UNC79: variants seen among roughly 807,000 people sequenced by gnomAD.
UNC79 encodes protein unc-79 homolog.
Under a neutral mutation model 283.1 loss-of-function variants are expected in UNC79, and 37 were observed. That is an observed-to-expected ratio of 0.13 (90% confidence interval 0.10 to 0.17). The LOEUF (loss-of-function observed/expected upper bound fraction) is 0.17. UNC79 is among the 10% of genes least tolerant of loss of function. The pLI is 1.00. For synonymous variants in UNC79, 1,107 were observed against 1,200.2 expected (o/e 0.92, Z 1.61); for missense variants, 2,272 against 3,211.1 (o/e 0.71, Z 7.07).
rs1392358817 is a variant in UNC79, at chr14:93,474,446, T to C, written c.448+53T>C. The C allele has an allele frequency of 6.7e-7, 1 of 1,499,424 alleles. No individual in the cohort carries two copies. Among genetic ancestry groups the C allele is most frequent in the African/African-American group, 1.4e-5 (1 of 72,346 alleles). The allele number at this position is 1,499,424 out of a possible 1,614,324, so 92.9% of individuals were successfully genotyped here. A position where few individuals can be genotyped will look rare whatever the true frequency, so the allele number is the denominator to read the frequency against. On this transcript the variant is annotated intron_variant, in intron 3 of 48. Coordinates refer to ENST00000555664, the Ensembl canonical transcript of UNC79. The surrounding 1 kb of genome is among the most constrained non-coding windows in gnomAD (Gnocchi z 4.1). Reference sequence around the variant, plus strand: ...ATGTACGTGGATGCTTATGAATGTATATGATGCTGAGCAAGGGGCTTGGAG... The same window carrying C: ...ATGTACGTGGATGCTTATGAATGTACATGATGCTGAGCAAGGGGCTTGGAG...
At chr14:93,347,804 G>C (rs2053893335) in intron 1 of UNC79, among the ~76,000 whole-genome samples, 2 of 151,986 alleles carry the variant, frequency 1.3e-5, no homozygotes. Flanking sequence ...CGAAGTTCCA[G>C]AGTGCGAAGG....
intron 37 of UNC79, among the ~76,000 whole-genome samples, 170 bp from the exon 41 acceptor site, chr14:93,655,064 G>A (rs2070774069): frequency 6.6e-6 from 1 of 152,152 alleles, no homozygotes; most frequent in Non-Finnish European, 1.5e-5. Context: ...AAGTTTGTCT[G>A]AACGATTTTC....
rs2062359311 is a variant in UNC79, at chr14:93,558,748, G to A, written c.1756-13146G>A. On this transcript the variant is annotated intron_variant, in intron 14 of 48. Coordinates refer to ENST00000555664, the Ensembl canonical transcript of UNC79. ...GGGTTTTGGTTTCCCTGTCTCTGCAGCTTCCATAAGAGCAGAGCAGCTTTT... is the reference window on the plus strand; with the variant it reads ...GGGTTTTGGTTTCCCTGTCTCTGCAACTTCCATAAGAGCAGAGCAGCTTTT... 2.6e-5 allele frequency among the ~76,000 whole-genome samples: 4 copies of A among 151,786 alleles called. No homozygotes were observed. The South Asian group carries it at 8.3e-4, about 32-fold the overall frequency.
chr14:93,599,500 C>T (rs770578805), intron 24 of UNC79, among the ~76,000 whole-genome samples: 8 of 152,094 alleles, frequency 5.3e-5, no homozygotes, highest in Non-Finnish European at 8.8e-5. Flanking sequence ...CTGCCTGTGG[C>T]ACATTCTTTT....
intron 14 of UNC79, among the ~76,000 whole-genome samples, chr14:93,551,212 G>A (rs530398614): frequency 2.0e-5 from 3 of 152,070 alleles, no homozygotes; most frequent in African/African-American, 7.2e-5. Flanking sequence ...ACTAAGCCCG[G>A]CTAATCTTCT....
At chr14:93,572,705 C>G in exon 16 of UNC79, 1 of 1,614,056 alleles carries the variant, frequency 6.2e-7, no homozygotes. Context: ...AAATGTTTGA[C>G]ATTGAACTCT....
At chr14:93,414,980 A>ACT (rs1223231591) in intron 1 of UNC79, among the ~76,000 whole-genome samples, 1 of 152,178 alleles carries the variant, frequency 6.6e-6, no homozygotes, top group Non-Finnish European at 1.5e-5. Context: ...GGACAATTTG[A>ACT]CTTCCTCTTT....
intron 21 of UNC79, 39 bp downstream of exon 21, chr14:93,586,714 CA>C (rs754460858): frequency 6.2e-7 from 1 of 1,613,098 alleles, no homozygotes. Flanking sequence ...GGCTTGGTAG[CA>C]TTACTGTTTT....
At chr14:93,540,765 C>T in exon 13 of UNC79, 2 of 1,613,720 alleles carry the variant, frequency 1.2e-6, no homozygotes, top group South Asian at 2.2e-5. Flanking sequence ...ATAATGCTGA[C>T]TTTGATAACA....
intron 1 of UNC79, chr14:93,347,326 C>T: frequency 6.4e-7 from 1 of 1,574,012 alleles, no homozygotes; most frequent in South Asian, 1.1e-5. Flanking sequence ...CTTGGCCCTG[C>T]TCGGCCTGCA....
chr14:93,662,092 CA>C lies in UNC79; in HGVS notation c.6526-508del, dbSNP rs1196277987. ...ATGGGTAGGATTCAGGGGGAGAAAC[CA>C]AAACAGACTATGCCTTCCTGATTAA... On this transcript the variant is annotated intron_variant, in intron 39 of 48. Coordinates refer to ENST00000555664, the Ensembl canonical transcript of UNC79. 2.6e-5 allele frequency among the ~76,000 whole-genome samples: 4 copies of C among 152,196 alleles called. No individual in the cohort carries two copies. The East Asian group carries it at 7.7e-4, about 29-fold the overall frequency.
intron 1 of UNC79, among the ~76,000 whole-genome samples, chr14:93,446,353 AT>A (rs958294412): frequency 2.7e-5 from 4 of 146,036 alleles, no homozygotes; most frequent in African/African-American, 1.0e-4. Context: ...TTATCTTGCA[AT>A]TTTTTTCTTT....
At chr14:93,380,746 T>C (rs1041893133) in intron 1 of UNC79, among the ~76,000 whole-genome samples, 3 of 152,228 alleles carry the variant, frequency 2.0e-5, no homozygotes, top group African/African-American at 7.2e-5. Context: ...GAATGAAAGA[T>C]GCTTGTTTAA....
At chr14:93,392,544 C>G (rs879934882) in intron 1 of UNC79, among the ~76,000 whole-genome samples, 1 of 152,158 alleles carries the variant, frequency 6.6e-6, no homozygotes, top group Non-Finnish European at 1.5e-5. Context: ...TGCAATGACT[C>G]TTCAGTCCAT....
rs149016973 is a variant in UNC79, at chr14:93,583,294, G to C, written c.2803+950G>C. Among the ~76,000 whole-genome samples, 981 of 151,498 alleles carry C rather than the reference G, an allele frequency of 6.5e-3. 9 individuals carry two copies. The highest frequency in any genetic ancestry group is 0.023 in the African/African-American group (937 of 41,270). On this transcript the variant is annotated intron_variant, in intron 20 of 48. Coordinates refer to ENST00000555664, the Ensembl canonical transcript of UNC79. ...GATCGCACCATTGCACTCCAGCCTGGGCAACAAGAGTGAAACTCTGCTCAA... is the reference window on the plus strand; with the variant it reads ...GATCGCACCATTGCACTCCAGCCTGCGCAACAAGAGTGAAACTCTGCTCAA...
intron 23 of UNC79, among the ~76,000 whole-genome samples, chr14:93,595,415 G>T (rs553277968): frequency 3.3e-5 from 5 of 152,118 alleles, no homozygotes; most frequent in Middle Eastern, 6.8e-3. Flanking sequence ...TTCTATTCAA[G>T]AAATTTTAAT....
intron 14 of UNC79, among the ~76,000 whole-genome samples, chr14:93,564,581 C>T (rs1285190571): frequency 7.2e-5 from 11 of 152,332 alleles, no homozygotes; most frequent in African/African-American, 1.7e-4. Context: ...ATTTCACACG[C>T]GTCCATGTGA....
In UNC79 at chr14:93,593,973, G is replaced by A. The variant is rs2064874372; in HGVS notation, c.3190+136G>A. 5.9e-6 allele frequency: 6 copies of A among 1,019,190 alleles called. No individual in the cohort carries two copies. The South Asian group carries it at 1.2e-4, about 20-fold the overall frequency. 63.1% of individuals were successfully genotyped at this position (1,019,190 alleles called of 1,614,324 possible). ...CTCCTGCTGGCTGGTGTCCTTTGGG[G>A]GTTCTGCTTTGAGCTTCCTCTCTAA... On this transcript the variant is annotated intron_variant, in intron 23 of 48. Transcript: ENST00000555664.
chr14:93,598,476 G>GT (rs2065254639), intron 24 of UNC79, among the ~76,000 whole-genome samples: 1 of 151,808 alleles, frequency 6.6e-6, no homozygotes, highest in African/African-American at 2.4e-5. Flanking sequence ...GGAGGCCTCT[G>GT]TTGTTAGAGC....
Sources: gnomAD v4.1 joint callset for allele counts (sites outside exome capture counted in the v4.1 genomes callset) on GRCh38, gnomAD v4.1.1 for gene constraint, Gnocchi (gnomAD v3.1) non-coding constraint, MANE v1.5 for transcripts, NCBI Gene and HGNC (gene_info 2026-07-23, HGNC 2026-07-21) for gene names.